The following ELMOD1 variants were observed in gnomAD, a reference collection of about 807,000 sequenced individuals.
The protein encoded by ELMOD1 is ELMO domain-containing protein 1.
A neutral mutation model predicts 46.7 loss-of-function variants in ELMOD1; 21 were observed. That is an observed-to-expected ratio of 0.45 (90% CI 0.32 to 0.65). ELMOD1 has a LOEUF of 0.65. Among genes scored for constraint, ELMOD1 ranks in the 30% least tolerant of loss-of-function variants. The pLI is 0.04. For missense variants in ELMOD1, 348 were observed against 407.8 expected, an observed-to-expected ratio of 0.85 and a Z score of 1.26; for synonymous variants, 122 against 138.2, an observed-to-expected ratio of 0.88 and a Z score of 0.82.
Position 107,628,889 on chromosome 11 carries a change from CT to C in ELMOD1, c.18-1525del, listed in dbSNP as rs1349631492. The stretch of plus-strand genomic sequence containing the variant: ...GTTAACATTTTTGTTGTGTATCCTG[CT>C]TTATACATTACTATTAAAATTTTTG... On this transcript the variant is annotated intron_variant, in intron 2 of 11. Coordinates refer to ENST00000265840, the MANE Select transcript of ELMOD1 (RefSeq NM_018712.4). Among the ~76,000 whole-genome samples the C allele has an allele frequency of 5.9e-5, 9 of 151,986 alleles. No individual in the cohort carries two copies. The East Asian group carries it at 1.7e-3, about 29-fold the overall frequency.
chr11:107,657,442 G>T (rs988970007), intron 11 of ELMOD1, among the ~76,000 whole-genome samples: 2 of 152,086 alleles, frequency 1.3e-5, no homozygotes, highest in Non-Finnish European at 1.5e-5. Context: ...TGAGAAGATC[G>T]CTTGAGCCCA....
chr11:107,592,605 G>A (rs1292921150), intron 1 of ELMOD1: 1 of 284,422 alleles, frequency 3.5e-6, no homozygotes, highest in East Asian at 8.9e-5. Flanking sequence ...GTTTTCTCGG[G>A]GGTCAGTTTA....
chr11:107,644,664 C>T (rs566061378), intron 6 of ELMOD1, among the ~76,000 whole-genome samples: 1 of 151,668 alleles, frequency 6.6e-6, no homozygotes, highest in South Asian at 2.1e-4. Flanking sequence ...TTAGTAGAGA[C>T]GGGGTTTTAC....
At chr11:107,633,464 G>T (rs1866175887) in intron 5 of ELMOD1, among the ~76,000 whole-genome samples, 1 of 151,946 alleles carries the variant, frequency 6.6e-6, no homozygotes, top group African/African-American at 2.4e-5. Context: ...CAAGAGTCTT[G>T]CTCTGTCACC....
intron 6 of ELMOD1, among the ~76,000 whole-genome samples, chr11:107,638,847 G>T (rs945034852): frequency 6.6e-6 from 1 of 152,176 alleles, no homozygotes; most frequent in African/African-American, 2.4e-5. Context: ...TTTGTCAACT[G>T]GTTTTTACAA....
intron 1 of ELMOD1, among the ~76,000 whole-genome samples, chr11:107,607,418 G>A (rs2135661511): frequency 6.6e-6 from 1 of 152,316 alleles, no homozygotes; most frequent in South Asian, 2.1e-4. Flanking sequence ...CACTTTGGGA[G>A]GCTGAGGCAG....
At chr11:107,605,363 C>G (rs1183074834) in intron 1 of ELMOD1, among the ~76,000 whole-genome samples, 1 of 151,956 alleles carries the variant, frequency 6.6e-6, no homozygotes. Flanking sequence ...CCATGCCTGG[C>G]TAAGTTTTTG....
At chr11:107,625,419 C>T (rs1866024256) in intron 2 of ELMOD1, 1 of 984,280 alleles carries the variant, frequency 1.0e-6, no homozygotes, top group Non-Finnish European at 1.2e-6. Flanking sequence ...CAAGAATTAA[C>T]TTTCATTAGC....
chr11:107,635,906 A>G (rs555242017), intron 6 of ELMOD1, 141 bp downstream of exon 6: 4 of 820,396 alleles, frequency 4.9e-6, no homozygotes, highest in Admixed American at 7.7e-5. Context: ...GGTAAGGTCA[A>G]GTTTTCTCGC....
chr11:107,621,550 A>AAGTAAGACATAACATCCC (rs1478185892), intron 2 of ELMOD1, among the ~76,000 whole-genome samples: 2 of 152,156 alleles, frequency 1.3e-5, no homozygotes, highest in African/African-American at 4.8e-5. Flanking sequence ...AAATGTAATT[A>AAGTAAGACATAACATCCC]AGTAAGACAT....
chr11:107,631,408 C>CCCT (rs369809818), intron 4 of ELMOD1, among the ~76,000 whole-genome samples, 172 bp from the exon 5 acceptor site: 2 of 136,124 alleles, frequency 1.5e-5, no homozygotes, highest in Admixed American at 7.4e-5. Flanking sequence ...CCCCCCCCCC[C>CCCT]ATCGTGAAAA....
At chr11:107,597,088 G>T (rs1417821062) in intron 1 of ELMOD1, among the ~76,000 whole-genome samples, 3 of 152,002 alleles carry the variant, frequency 2.0e-5, no homozygotes, top group Non-Finnish European at 4.4e-5. Context: ...GGTTTCTGTT[G>T]GTCTACCTTA....
At chr11:107,633,251 A>G (rs764301728) in intron 5 of ELMOD1, among the ~76,000 whole-genome samples, 5 of 152,136 alleles carry the variant, frequency 3.3e-5, no homozygotes, top group Non-Finnish European at 7.3e-5. Context: ...CGACATTGAT[A>G]AGCTCTGATA....
At position 107,615,409 on chromosome 11, in the gene ELMOD1, A is replaced by C. The variant is rs904102569; in HGVS notation, c.-85-2696A>C. Among the ~76,000 whole-genome samples, 21 of 151,584 alleles carry C rather than the reference A, an allele frequency of 1.4e-4. No homozygotes were observed. The South Asian group carries it at 1.7e-3, about 12-fold the overall frequency. On this transcript the variant is annotated intron_variant, in intron 1 of 11. Transcript: ENST00000265840. ...CGCTGCCACACCCAGCTAATTTTGT[A>C]TTTTTAGTAGAGACGGGGTTTCACC...
At chr11:107,654,560 G>C (rs547875023) in intron 10 of ELMOD1, among the ~76,000 whole-genome samples, 1 of 152,192 alleles carries the variant, frequency 6.6e-6, no homozygotes, top group South Asian at 2.1e-4. Context: ...ACGAGGTCAG[G>C]AGATCGAGAC....
At chr11:107,618,063 C>G in intron 1 of ELMOD1, 42 bp from the exon 2 acceptor site, 1 of 1,128,706 alleles carries the variant, frequency 8.9e-7, no homozygotes, top group Non-Finnish European at 1.3e-6. Context: ...CAGCTTCCAG[C>G]CTTATTAGTA....
intron 10 of ELMOD1, among the ~76,000 whole-genome samples, chr11:107,655,281 C>T (rs1171002096): frequency 6.6e-6 from 1 of 152,058 alleles, no homozygotes; most frequent in Non-Finnish European, 1.5e-5. Flanking sequence ...ATTTATTTTG[C>T]TGTCTGTCTT....
intron 9 of ELMOD1, among the ~76,000 whole-genome samples, chr11:107,651,554 T>G (rs1866527410): frequency 6.6e-6 from 1 of 152,226 alleles, no homozygotes; most frequent in Non-Finnish European, 1.5e-5. Context: ...TAAGTCATAT[T>G]ACACTTCCCA....
At chr11:107,621,803 G>T (rs1365852751) in intron 2 of ELMOD1, among the ~76,000 whole-genome samples, 1 of 152,166 alleles carries the variant, frequency 6.6e-6, no homozygotes, top group Non-Finnish European at 1.5e-5. Flanking sequence ...AAGGCAGGTG[G>T]ATCACCTGAG....
Sources: gnomAD v4.1 joint callset for allele counts (sites outside exome capture counted in the v4.1 genomes callset) on GRCh38, gnomAD v4.1.1 for gene constraint, MANE v1.5 for transcripts, NCBI Gene and HGNC (gene_info 2026-07-23, HGNC 2026-07-21) for gene names.